The following KLHDC1 variants were observed in gnomAD, a reference collection of about 807,000 sequenced individuals.
The protein encoded by KLHDC1 is kelch domain containing 1.
KLHDC1 carries 53 observed loss-of-function variants against 68.3 expected under a neutral mutation model. That is an observed-to-expected ratio of 0.78 (90% CI 0.62 to 0.98). The LOEUF is 0.98. Among genes scored for constraint, KLHDC1 ranks in the 50% least tolerant of loss-of-function variants. The pLI is 0.00. For missense variants in KLHDC1, 470 were observed against 492.3 expected (o/e 0.95, Z 0.43); for synonymous variants, 148 against 159.0 (o/e 0.93, Z 0.52).
chr14:49,744,169 C>G (rs1463571835), intron 12 of KLHDC1, among the ~76,000 whole-genome samples: 1 of 150,490 alleles, frequency 6.6e-6, no homozygotes, highest in Non-Finnish European at 1.5e-5. Flanking sequence ...GTAGTCTTGG[C>G]TACTGTGGCT....
intron 1 of KLHDC1, among the ~76,000 whole-genome samples, chr14:49,695,116 A>ATG (rs71115393): frequency 0.097 from 13,763 of 142,072 alleles, 785 homozygotes; most frequent in Admixed American, 0.2. Flanking sequence ...TGCAGTTTTG[A>ATG]TGTGTGTGTG....
At chr14:49,696,965 C>CT in intron 1 of KLHDC1, among the ~76,000 whole-genome samples, 1 of 149,460 alleles carries the variant, frequency 6.7e-6, no homozygotes, top group South Asian at 2.1e-4. Flanking sequence ...AAGACGGAGT[C>CT]TCGCTCCATC....
chr14:49,703,344 AT>A (rs201926678), intron 1 of KLHDC1, among the ~76,000 whole-genome samples: 2,086 of 141,634 alleles, frequency 0.015, 7 homozygotes, highest in Middle Eastern at 0.029. Flanking sequence ...TCTTTCATGA[AT>A]TTTTTTTTTT....
intron 1 of KLHDC1, among the ~76,000 whole-genome samples, chr14:49,700,388 G>C (rs545003664): frequency 1.3e-5 from 2 of 152,054 alleles, no homozygotes; most frequent in Non-Finnish European, 2.9e-5. Flanking sequence ...TTTGAGACCA[G>C]CCTGAGCAAC....
intron 1 of KLHDC1, among the ~76,000 whole-genome samples, chr14:49,702,654 T>G (rs1452038518): frequency 1.3e-5 from 2 of 152,194 alleles, no homozygotes. Flanking sequence ...TAACTTGTTC[T>G]CTGTTGTATC....
At chr14:49,742,129 G>A (rs1889079277) in intron 11 of KLHDC1, among the ~76,000 whole-genome samples, 1 of 152,134 alleles carries the variant, frequency 6.6e-6, no homozygotes, top group Non-Finnish European at 1.5e-5. Flanking sequence ...CTACAACTTC[G>A]CATTTATTAA....
chr14:49,721,819 T>G (rs928349690), intron 4 of KLHDC1, among the ~76,000 whole-genome samples: 3 of 152,182 alleles, frequency 2.0e-5, no homozygotes, highest in Non-Finnish European at 4.4e-5. Flanking sequence ...GAGTTCTCTT[T>G]GCTCTCTGAT....
At chr14:49,717,984 T>G (rs1485114669) in intron 4 of KLHDC1, among the ~76,000 whole-genome samples, 1 of 151,976 alleles carries the variant, frequency 6.6e-6, no homozygotes, top group East Asian at 1.9e-4. Context: ...CCTTGGACCC[T>G]CAAGCAGTCC....
intron 8 of KLHDC1, among the ~76,000 whole-genome samples, chr14:49,730,802 A>C (rs1186864602): frequency 6.8e-6 from 1 of 146,574 alleles, no homozygotes; most frequent in African/African-American, 2.5e-5. Context: ...GTGAAACCCC[A>C]GCTCTACTAA....
rs117315255 is a variant in KLHDC1 at position 49,706,387 on chromosome 14, T to G, written c.97-2772T>G. ...TTTTCTTTATCCATTCATGTGTTGA[T>G]GGACACAAGTTGCTTCGAAATTTTG... On this transcript the variant is annotated intron_variant, in intron 1 of 12. Coordinates refer to ENST00000359332, the MANE Select transcript of KLHDC1 (RefSeq NM_172193.3). Among the ~76,000 whole-genome samples the G allele has an allele frequency of 6.1e-4, 93 of 152,336 alleles. 2 individuals are homozygous for G. The East Asian group carries it at 0.015, about 25-fold the overall frequency.
intron 8 of KLHDC1, among the ~76,000 whole-genome samples, chr14:49,732,230 T>A (rs540806492): frequency 6.6e-6 from 1 of 152,018 alleles, no homozygotes; most frequent in East Asian, 1.9e-4. Flanking sequence ...TGGAGTGCAG[T>A]GGTGCAATCT....
In KLHDC1 at chr14:49,725,757, AC is replaced by A; in HGVS notation, c.557del (p.Pro186GlnfsTer36). ...FDTKTQTWFQ[P>X]EIKGGVPPQP... ...ACACAAAGACACAGACTTGGTTTCAACCAGAAATTAAAGTAAGTGTGGTAAA... is the reference window on the plus strand; with the variant it reads ...ACACAAAGACACAGACTTGGTTTCAACAGAAATTAAAGTAAGTGTGGTAAA... On this transcript the variant is annotated frameshift_variant, in exon 6 of 13. Transcript: ENST00000359332. LOFTEE classifies it high-confidence loss of function. 6.4e-7 allele frequency: 1 copy of A among 1,553,118 alleles called. No homozygotes were observed. Among genetic ancestry groups the A allele is most frequent in the Non-Finnish European group, 8.8e-7 (1 of 1,136,874 alleles).
rs181005160 is a variant in KLHDC1 at position 49,712,738 on chromosome 14, C to T, written c.404+2357C>T. The stretch of plus-strand genomic sequence containing the variant: ...CAGGCTAGTCTCAAACTTTTGATCT[C>T]GTGATCCACCTGCCTCCACCTCCCA... On this transcript the variant is annotated intron_variant, in intron 4 of 12. Coordinates refer to ENST00000359332, the MANE Select transcript of KLHDC1 (RefSeq NM_172193.3). 6.6e-5 allele frequency among the ~76,000 whole-genome samples: 10 copies of T among 152,012 alleles called. No homozygotes were observed. The East Asian group carries it at 1.6e-3, about 24-fold the overall frequency.
chr14:49,717,895 T>A (rs180983710), intron 4 of KLHDC1, among the ~76,000 whole-genome samples: 1 of 152,298 alleles, frequency 6.6e-6, no homozygotes, highest in Non-Finnish European at 1.5e-5. Flanking sequence ...TATTTTTGTT[T>A]TTATAAGAGT....
Position 49,710,246 on chromosome 14 carries a change from G to A in KLHDC1, c.286-17G>A, listed in dbSNP as rs1355279653. On this transcript the variant is annotated splice_polypyrimidine_tract_variant and intron_variant, in intron 3 of 12. Coordinates refer to ENST00000359332, the MANE Select transcript of KLHDC1 (RefSeq NM_172193.3). ...TTTAAATGCCCTGTCTGCTAATAGT[G>A]TTCTCATCTTTTAAAGCTTTATTTT... 6.1e-6 allele frequency: 8 copies of A among 1,308,288 alleles called. No individual in the cohort carries two copies. Among genetic ancestry groups the A allele is most frequent in the South Asian group, 3.5e-5 (3 of 84,624 alleles). 81.0% of individuals were successfully genotyped at this position (1,308,288 alleles called of 1,614,324 possible).
In KLHDC1 at chr14:49,734,599, G is replaced by T; in HGVS notation, c.834G>T (p.Trp278Cys). The T allele has an allele frequency of 1.3e-6, 2 of 1,585,486 alleles. No individual in the cohort carries two copies. The highest frequency in any genetic ancestry group is 1.7e-4 in the Middle Eastern group (1 of 5,968). Residue 278 changes from tryptophan (W) to cysteine (C), a missense_variant, in exon 10 of 13, where the codon TGG becomes TGT. Transcript: ENST00000359332. ...GTCATGATATTGCAGGTGATGGTTG[G>T]ATTCATAATGTCACAACAAATTGTT... ...SADNIPLSDGWIHNVTTNCWK... is the reference protein window; with the variant it reads ...SADNIPLSDGCIHNVTTNCWK...
Position 49,732,701 on chromosome 14 carries a change from C to T in KLHDC1, c.711-3C>T, listed in dbSNP as rs908281232. The T allele has an allele frequency of 2.1e-6, 3 of 1,438,900 alleles. No homozygotes were observed. The highest frequency in any genetic ancestry group is 1.4e-5 in the African/African-American group (1 of 71,132). 89.1% of individuals were successfully genotyped at this position (1,438,900 alleles called of 1,614,324 possible). On this transcript the variant is annotated splice_region_variant and splice_polypyrimidine_tract_variant and intron_variant, in intron 8 of 12. Transcript: ENST00000359332. Reference sequence around the variant, plus strand: ...CTAGACTTTCTTTTTCTCCTTGCCACAGGATTACTATTAATGGAGAAAGCC... The same window carrying T: ...CTAGACTTTCTTTTTCTCCTTGCCATAGGATTACTATTAATGGAGAAAGCC...
At position 49,751,843 on chromosome 14, in the gene KLHDC1, T is replaced by G. The variant is rs1889328170; in HGVS notation, c.*71T>G. On this transcript the variant is annotated 3_prime_UTR_variant, in exon 13 of 13. Transcript: ENST00000359332. ...AGACTATACATTTACACTCCCAAAT[T>G]GCAGGCTTTATTTAAAGGATAAAAT... is the stretch of plus-strand genomic sequence containing the variant. 1.5e-6 allele frequency: 1 copy of G among 679,456 alleles called. No homozygotes were observed. Among genetic ancestry groups the G allele is most frequent in the African/African-American group, 1.9e-5 (1 of 53,336 alleles). The allele number at this position is 679,456 out of a possible 1,614,324, so 42.1% of individuals were successfully genotyped here.
At chr14:49,731,388 C>T (rs77863630) in intron 8 of KLHDC1, among the ~76,000 whole-genome samples, 20,356 of 152,294 alleles carry the variant, frequency 0.13, 1,690 homozygotes, top group Non-Finnish European at 0.19. Flanking sequence ...CTGGAACATT[C>T]CAGACTGTGG....
Sources: gnomAD v4.1 joint callset for allele counts (sites outside exome capture counted in the v4.1 genomes callset) on GRCh38, gnomAD v4.1.1 for gene constraint, MANE v1.5 for transcripts, NCBI Gene and HGNC (gene_info 2026-07-23, HGNC 2026-07-21) for gene names.